CCNJL: variants seen among roughly 807,000 people sequenced by gnomAD.
The protein encoded by CCNJL is cyclin J like.
In CCNJL, 33 loss-of-function variants were observed where a neutral mutation model predicts 33.4. That is an observed-to-expected ratio of 0.99 (90% CI 0.75 to 1.32). CCNJL has a LOEUF of 1.32. Ranked by LOEUF, CCNJL falls within the 40% of genes most tolerant of loss-of-function variation. The pLI is 0.00. For synonymous variants in CCNJL, 227 were observed against 220.9 expected (o/e 1.03, Z -0.24); for missense variants, 512 against 499.7 (o/e 1.02, Z -0.23).
chr5:160,278,419 G>A lies in CCNJL; in HGVS notation c.280+2106C>T, dbSNP rs552074968. Among the ~76,000 whole-genome samples, 489 of 152,248 alleles carry A rather than the reference G, an allele frequency of 3.2e-3. 2 individuals are homozygous for A. The highest frequency in any genetic ancestry group is 4.1e-3 in the South Asian group (20 of 4,822). ...AAATTAGCAGATCTCCAAACTTCCC[G>A]AGGCAAGGGGATCCCCCTTGTGGCC... is the stretch of plus-strand genomic sequence containing the variant. On this transcript the variant is annotated intron_variant, in intron 3 of 5. Transcript: ENST00000257536.
At chr5:160,296,481 C>T (rs1188105803) in intron 2 of CCNJL, among the ~76,000 whole-genome samples, 1 of 152,242 alleles carries the variant, frequency 6.6e-6, no homozygotes, top group Non-Finnish European at 1.5e-5. Context: ...TGTCAAATAT[C>T]CTCACTTCCT....
chr5:160,314,339 T>C (rs187323289), upstream of CCNJL, among the ~76,000 whole-genome samples: 287 of 152,360 alleles, frequency 1.9e-3, 3 homozygotes, highest in African/African-American at 6.5e-3. Flanking sequence ...AAAAATTCAC[T>C]GTATGATAAA....
chr5:160,286,292 G>A (rs539804078), intron 2 of CCNJL, among the ~76,000 whole-genome samples: 1 of 152,290 alleles, frequency 6.6e-6, no homozygotes, highest in South Asian at 2.1e-4. Flanking sequence ...CGTGTTCCTG[G>A]GAGAAGCGTC....
chr5:160,322,589 G>C (rs751929009), intron 1 of CCNJL, among the ~76,000 whole-genome samples: 2 of 152,184 alleles, frequency 1.3e-5, no homozygotes, highest in Non-Finnish European at 2.9e-5. Context: ...ATGATCTCAC[G>C]AGCATTTTTC....
rs1421490683 is a variant in CCNJL at position 160,249,865 on chromosome 5, T to TA, written c.*3512dup. ...GAGTTATAAAAATACAACTGAAATATAAAAAACAAACAAAGAAATCATATG... is the reference window on the plus strand; with the variant it reads ...GAGTTATAAAAATACAACTGAAATATAAAAAAACAAACAAAGAAATCATATG... On this transcript the variant is annotated 3_prime_UTR_variant, in exon 6 of 6. Transcript: ENST00000257536. 2 of 151,678 alleles carry TA rather than the reference T, an allele frequency of 1.3e-5. No individual in the cohort carries two copies. The highest frequency in any genetic ancestry group is 2.4e-5 in the African/African-American group (1 of 41,332). The allele number at this position is 151,678 out of a possible 1,614,324, so 9.4% of individuals were successfully genotyped here.
At chr5:160,312,173 A>C (rs1464600938) in intron 1 of CCNJL, among the ~76,000 whole-genome samples, 191 bp downstream of exon 1, 1 of 152,108 alleles carries the variant, frequency 6.6e-6, no homozygotes, top group Non-Finnish European at 1.5e-5. Flanking sequence ...GGCGATATGG[A>C]GCTGTGCAAC....
Position 160,281,073 on chromosome 5 carries a change from T to C in CCNJL, c.67-335A>G, listed in dbSNP as rs554920332. 1.8e-4 allele frequency: 66 copies of C among 363,280 alleles called. No homozygotes were observed. The Middle Eastern group carries it at 2.8e-3, about 15-fold the overall frequency. 22.5% of individuals were successfully genotyped at this position (363,280 alleles called of 1,614,324 possible). A position where few individuals can be genotyped will look rare whatever the true frequency, so the allele number is the denominator to read the frequency against. ...GGTCTAAGTCCAAATTCTTTTTTTT[T>C]CCCCTAGGGTCTGGTCTGAAGTAAC... On this transcript the variant is annotated intron_variant, in intron 2 of 5. Transcript: ENST00000257536.
chr5:160,256,462 T>C (rs953215189), intron 4 of CCNJL, among the ~76,000 whole-genome samples: 4 of 152,352 alleles, frequency 2.6e-5, no homozygotes, highest in African/African-American at 9.6e-5. Flanking sequence ...TTGATATTTA[T>C]AACTAAAATT....
At chr5:160,308,401 G>A (rs1177725775) in intron 2 of CCNJL, among the ~76,000 whole-genome samples, 1 of 152,244 alleles carries the variant, frequency 6.6e-6, no homozygotes, top group East Asian at 1.9e-4. Context: ...GAAGAAGACA[G>A]ACACAGGTCT....
chr5:160,250,877 T>C lies in CCNJL; in HGVS notation c.*2501A>G, dbSNP rs996025830. 1 of 152,206 alleles carries C rather than the reference T, an allele frequency of 6.6e-6. No homozygotes were observed. Among genetic ancestry groups the C allele is most frequent in the African/African-American group, 2.4e-5 (1 of 41,450 alleles). The allele number at this position is 152,206 out of a possible 1,614,324, so 9.4% of individuals were successfully genotyped here. On this transcript the variant is annotated 3_prime_UTR_variant, in exon 6 of 6. Transcript: ENST00000257536. ...GAGGTACTGGCCTTGATGTACATTATGTTATTTAATCCTCTTAAGAACCCT... is the reference window on the plus strand; with the variant it reads ...GAGGTACTGGCCTTGATGTACATTACGTTATTTAATCCTCTTAAGAACCCT...
intron 1 of CCNJL, among the ~76,000 whole-genome samples, chr5:160,320,279 C>G (rs890856642): frequency 6.6e-6 from 1 of 152,188 alleles, no homozygotes; most frequent in African/African-American, 2.4e-5. Context: ...GAAGCAAGCT[C>G]TGTGAACCCA....
intron 1 of CCNJL, among the ~76,000 whole-genome samples, chr5:160,328,160 G>C (rs540092471): frequency 6.6e-5 from 10 of 152,358 alleles, no homozygotes; most frequent in African/African-American, 1.9e-4. Flanking sequence ...AGGTGAAGAG[G>C]AAGGCCAGAT....
intron 3 of CCNJL, among the ~76,000 whole-genome samples, chr5:160,274,319 T>C (rs1023303924): frequency 1.3e-5 from 2 of 151,772 alleles, no homozygotes; most frequent in Non-Finnish European, 2.9e-5. Flanking sequence ...ATGAGCTGGA[T>C]GTGGTGGTGT....
Position 160,280,664 on chromosome 5 carries a change from G to A in CCNJL, c.141C>T (p.Thr47=). The part of the protein sequence containing the change: ...KSRRFFVDIL[T]LLSSHCQLCP... ...AGAGCTGGCAGTGGCTGCTCAGCAGGGTCAGGATGTCCACGAAGAACCGGC... is the reference window on the plus strand; with the variant it reads ...AGAGCTGGCAGTGGCTGCTCAGCAGAGTCAGGATGTCCACGAAGAACCGGC... Residue 47 remains threonine, a synonymous_variant, in exon 3 of 6, where the codon ACC becomes ACT. Coordinates refer to ENST00000257536, the MANE Select transcript of CCNJL (RefSeq NM_001308173.3). 6.2e-7 allele frequency: 1 copy of A among 1,613,584 alleles called. No homozygotes were observed. The highest frequency in any genetic ancestry group is 8.5e-7 in the Non-Finnish European group (1 of 1,179,932).
chr5:160,308,200 G>C (rs1007857929), intron 2 of CCNJL, among the ~76,000 whole-genome samples: 1 of 152,208 alleles, frequency 6.6e-6, no homozygotes, highest in Non-Finnish European at 1.5e-5. Flanking sequence ...CCTAAGTGGA[G>C]AGGTGCAATG....
At chr5:160,290,002 A>G (rs1252929587) in intron 2 of CCNJL, among the ~76,000 whole-genome samples, 1 of 152,156 alleles carries the variant, frequency 6.6e-6, no homozygotes, top group African/African-American at 2.4e-5. Context: ...GAGGGGGAGG[A>G]AAAAATTCAG....
chr5:160,291,673 T>C (rs1013687675), intron 2 of CCNJL, among the ~76,000 whole-genome samples: 2 of 152,220 alleles, frequency 1.3e-5, no homozygotes, highest in Non-Finnish European at 2.9e-5. Flanking sequence ...AATTCAATGA[T>C]TCTAAACCTA....
At chr5:160,263,086 C>A in intron 3 of CCNJL, among the ~76,000 whole-genome samples, 1 of 152,204 alleles carries the variant, frequency 6.6e-6, no homozygotes, top group East Asian at 1.9e-4. Flanking sequence ...TGAAAGACAA[C>A]AATGAACACA....
chr5:160,273,120 T>C lies in CCNJL; in HGVS notation c.280+7405A>G, dbSNP rs140149483. Among the ~76,000 whole-genome samples the C allele has an allele frequency of 1.6e-4, 24 of 152,360 alleles. No homozygotes were observed. The East Asian group carries it at 4.2e-3, about 27-fold the overall frequency. On this transcript the variant is annotated intron_variant, in intron 3 of 5. Transcript: ENST00000257536. ...ATATCTGGTCAATTCTTGTTATTCA[T>C]GTCAGTTATGCTCTATAAAGCCATT...
Sources: gnomAD v4.1 joint callset for allele counts (sites outside exome capture counted in the v4.1 genomes callset) on GRCh38, gnomAD v4.1.1 for gene constraint, MANE v1.5 for transcripts, NCBI Gene and HGNC (gene_info 2026-07-23, HGNC 2026-07-21) for gene names.